The following THEMIS variants were observed in gnomAD, a reference collection of about 807,000 sequenced individuals.
The protein encoded by THEMIS is thymocyte selection associated, also known as protein THEMIS.
In THEMIS, 37 loss-of-function variants were observed where a neutral mutation model predicts 52.6. The ratio of observed to expected loss-of-function variants is 0.70; its 90% CI spans 0.54 to 0.93. The LOEUF is 0.93. Among genes scored for constraint, THEMIS ranks in the 40% least tolerant of loss-of-function variants. The probability of loss-of-function intolerance (pLI) is 0.00; values close to 1 mark genes in which losing one functional copy is unlikely to be tolerated. For synonymous variants in THEMIS, 292 were observed against 272.7 expected, an observed-to-expected ratio of 1.07 and a Z score of -0.70; for missense variants, 808 against 763.1, an observed-to-expected ratio of 1.06 and a Z score of -0.69.
At chr6:127,891,952 C>CTGT (rs1345475212) in intron 1 of THEMIS, among the ~76,000 whole-genome samples, 1 of 152,206 alleles carries the variant, frequency 6.6e-6, no homozygotes, top group Non-Finnish European at 1.5e-5. Flanking sequence ...TCTGCACTGT[C>CTGT]TGTTCACTCT....
At chr6:127,766,224 G>T (rs1776194426) in intron 4 of THEMIS, among the ~76,000 whole-genome samples, 2 of 152,048 alleles carry the variant, frequency 1.3e-5, no homozygotes, top group African/African-American at 2.4e-5. Context: ...CTTAATAGCT[G>T]CTTATATCTT....
At chr6:127,891,207 T>C (rs1780794094) in intron 1 of THEMIS, among the ~76,000 whole-genome samples, 1 of 152,116 alleles carries the variant, frequency 6.6e-6, no homozygotes, top group Non-Finnish European at 1.5e-5. Context: ...CTTTTCATTT[T>C]CTCACCTCAA....
chr6:127,828,608 C>T (rs902520733), intron 3 of THEMIS, among the ~76,000 whole-genome samples: 1 of 152,198 alleles, frequency 6.6e-6, no homozygotes, highest in Non-Finnish European at 1.5e-5. Flanking sequence ...TAACAATGCT[C>T]TCTCCAGATA....
rs1052785500 is a variant in THEMIS, at chr6:127,799,511, ATCTT to A, written c.1758+13368_1758+13371del. Among the ~76,000 whole-genome samples the A allele has an allele frequency of 2.0e-4, 30 of 151,548 alleles. 1 individual carries two copies. Among genetic ancestry groups the A allele is most frequent in the Admixed American group, 9.8e-4 (15 of 15,234 alleles). On this transcript the variant is annotated intron_variant, in intron 4 of 5. Transcript: ENST00000368248. ...ATAAGAAATGAGAACCCCATTGGTA[ATCTT>A]TCTTTCTTTCTTTCTCTTTCTTTCT...
At chr6:127,706,394 C>G (rs76088416), downstream of THEMIS, among the ~76,000 whole-genome samples, 1 of 152,034 alleles carries the variant, frequency 6.6e-6, no homozygotes, top group Non-Finnish European at 1.5e-5. Context: ...GGCTCACAAA[C>G]TTATCCAAGG....
intron 4 of THEMIS, among the ~76,000 whole-genome samples, chr6:127,728,865 T>G (rs1774645161): frequency 1.3e-5 from 2 of 152,170 alleles, no homozygotes; most frequent in African/African-American, 4.8e-5. Flanking sequence ...TTTTAGATAG[T>G]TTGACATTTG....
chr6:127,795,924 G>C (rs950102997), intron 4 of THEMIS, among the ~76,000 whole-genome samples: 18 of 152,258 alleles, frequency 1.2e-4, no homozygotes, highest in African/African-American at 4.3e-4. Flanking sequence ...ACTGCTTCCA[G>C]AAAAGACAGG....
intron 1 of THEMIS, among the ~76,000 whole-genome samples, chr6:127,891,788 T>C (rs1780819432): frequency 6.6e-6 from 1 of 152,112 alleles, no homozygotes; most frequent in African/African-American, 2.4e-5. Flanking sequence ...AAACTGGTCA[T>C]TGGCGTCTCA....
intron 4 of THEMIS, among the ~76,000 whole-genome samples, chr6:127,742,763 G>A (rs949872258): frequency 3.3e-5 from 5 of 152,104 alleles, no homozygotes; most frequent in Admixed American, 3.3e-4. Context: ...GTCAGGGGCT[G>A]GGGGTGGGGG....
At chr6:127,865,786 G>A (rs190724215) in intron 1 of THEMIS, among the ~76,000 whole-genome samples, 4 of 152,190 alleles carry the variant, frequency 2.6e-5, no homozygotes, top group Admixed American at 1.3e-4. Context: ...TGGCATTTCT[G>A]ATTTTACTTT....
intron 1 of THEMIS, among the ~76,000 whole-genome samples, chr6:127,862,394 A>C (rs1779831317): frequency 6.8e-6 from 1 of 146,516 alleles, no homozygotes; most frequent in Admixed American, 6.9e-5. Context: ...CTCAGTTCCA[A>C]AGCCATAAGC....
intron 4 of THEMIS, among the ~76,000 whole-genome samples, chr6:127,777,227 CT>C (rs1033487871): frequency 6.8e-6 from 1 of 147,766 alleles, no homozygotes; most frequent in Non-Finnish European, 1.5e-5. Context: ...TACTTTTTTG[CT>C]TATTTCCTGC....
chr6:127,744,428 T>C (rs1433086335), intron 4 of THEMIS, among the ~76,000 whole-genome samples: 3 of 151,986 alleles, frequency 2.0e-5, no homozygotes, highest in Non-Finnish European at 2.9e-5. Context: ...GGACAATCCA[T>C]ATGTCCATCG....
intron 1 of THEMIS, among the ~76,000 whole-genome samples, chr6:127,894,201 T>C (rs987401546): frequency 2.0e-5 from 3 of 151,976 alleles, no homozygotes; most frequent in Non-Finnish European, 4.4e-5. Flanking sequence ...ATTTGGCATA[T>C]AAAGAGAGGT....
At position 127,719,691 on chromosome 6, in the gene THEMIS, C is replaced by G; in HGVS notation, c.1891G>C (p.Ala631Pro). The G allele has an allele frequency of 6.2e-7, 1 of 1,610,242 alleles. No individual in the cohort carries two copies. The change falls in exon 5 of 6, where the codon GCA becomes CCA. Residue 631 changes from alanine (A) to proline (P), a missense_variant. Ala to Pro is a conservative substitution (Grantham distance 27, BLOSUM62 -1). Coordinates refer to ENST00000368248, the MANE Select transcript of THEMIS (RefSeq NM_001010923.3). ...ERSNRGATAI[A>P]ETFKNEKHQK The stretch of plus-strand genomic sequence containing the variant: ...TGACCTATAGTCACATCAGTACCTG[C>G]TATTGCTGTGGCCCCACGGTTGCTC...
intron 4 of THEMIS, among the ~76,000 whole-genome samples, chr6:127,728,386 C>G (rs1217755142): frequency 6.6e-6 from 1 of 152,160 alleles, no homozygotes; most frequent in African/African-American, 2.4e-5. Context: ...AAGCAAAAGC[C>G]TCTTGTCCCA....
chr6:127,876,257 C>T (rs1165561561), intron 1 of THEMIS, among the ~76,000 whole-genome samples: 1 of 152,124 alleles, frequency 6.6e-6, no homozygotes. Context: ...AATGATCCAC[C>T]AGCAGGCACT....
chr6:127,757,019 C>T (rs1775849733), intron 4 of THEMIS, among the ~76,000 whole-genome samples: 1 of 152,090 alleles, frequency 6.6e-6, no homozygotes, highest in East Asian at 1.9e-4. Context: ...TTCTTTTATT[C>T]CATAATAAAG....
intron 4 of THEMIS, among the ~76,000 whole-genome samples, chr6:127,796,136 C>G (rs2114541138): frequency 6.6e-6 from 1 of 152,172 alleles, no homozygotes; most frequent in East Asian, 1.9e-4. Context: ...AAGTATAGAA[C>G]TAAATATGAG....
Sources: gnomAD v4.1 joint callset for allele counts (sites outside exome capture counted in the v4.1 genomes callset) on GRCh38, gnomAD v4.1.1 for gene constraint, MANE v1.5 for transcripts, NCBI Gene and HGNC (gene_info 2026-07-23, HGNC 2026-07-21) for gene names.